Variants in THADA observed in about 807,000 individuals in gnomAD.
THADA encodes tRNA (32-2'-O)-methyltransferase regulator THADA.
A neutral mutation model predicts 219.8 loss-of-function variants in THADA; 213 were observed. The observed-to-expected ratio is 0.97, with a 90% CI of 0.87 to 1.09. THADA has a LOEUF of 1.09. THADA is among the 50% of genes least tolerant of loss of function. THADA has a pLI of 0.00. For missense variants in THADA, 2,956 were observed against 2,311.3 expected, an observed-to-expected ratio of 1.28 and a Z score of -5.72; for synonymous variants, 1,018 against 828.9, an observed-to-expected ratio of 1.23 and a Z score of -3.92.
At chr2:43,459,923 C>T (rs1186787564) in intron 26 of THADA, among the ~76,000 whole-genome samples, 1 of 152,098 alleles carries the variant, frequency 6.6e-6, no homozygotes, top group African/African-American at 2.4e-5. Flanking sequence ...CAAATGAGTT[C>T]AGCACGGAAG....
intron 30 of THADA, among the ~76,000 whole-genome samples, chr2:43,331,279 C>T (rs927993477): frequency 6.6e-6 from 1 of 152,220 alleles, no homozygotes; most frequent in Non-Finnish European, 1.5e-5. Flanking sequence ...CAAGTGCATA[C>T]AGATATCTCT....
At chr2:43,508,849 C>CA in intron 22 of THADA, 69 bp from the exon 23 acceptor site, 1 of 1,453,412 alleles carries the variant, frequency 6.9e-7, no homozygotes, top group Non-Finnish European at 9.5e-7. Flanking sequence ...TATTGATGCA[C>CA]ATTTACACTG....
In THADA at chr2:43,230,938, C is replaced by T. The variant is rs775091243; in HGVS notation, c.*10G>A. 1 of 1,597,966 alleles carries T rather than the reference C, an allele frequency of 6.3e-7. No individual in the cohort carries two copies. Among genetic ancestry groups the T allele is most frequent in the Admixed American group, 1.7e-5 (1 of 59,094 alleles). On this transcript the variant is annotated 3_prime_UTR_variant, in exon 38 of 38. Transcript: ENST00000405975. ...CACACATACCCCCATCCCAATCCCC[C>T]AGATTTTCTTCAACATGCCGCTTCT...
chr2:43,551,602 T>A (rs900633577), intron 19 of THADA, among the ~76,000 whole-genome samples, 187 bp downstream of exon 19: 1 of 151,792 alleles, frequency 6.6e-6, no homozygotes, highest in African/African-American at 2.4e-5. Context: ...TTTTTTTTTT[T>A]TTTTTTGCTA....
In THADA at chr2:43,398,024, T is replaced by C. The variant is rs1316336706; in HGVS notation, c.4174A>G (p.Ser1392Gly). The C allele has an allele frequency of 5.0e-6, 8 of 1,613,872 alleles. No homozygotes were observed. The Admixed American group carries it at 1.3e-4, about 27-fold the overall frequency. Reference sequence around the variant, plus strand: ...TGCCGGAAACACTGGTCAGTGCAGCTGGGGAGTGTGGACAACAGAGTTCGA... The same window carrying C: ...TGCCGGAAACACTGGTCAGTGCAGCCGGGGAGTGTGGACAACAGAGTTCGA... ...TIRTLLSTLPSCTDQCFRQNH... is the reference protein window; with the variant it reads ...TIRTLLSTLPGCTDQCFRQNH... The change falls in exon 29 of 38, where the codon AGC becomes GGC. Residue 1392 changes from serine to glycine, a missense_variant. By Grantham distance (56) the Ser-to-Gly change is moderately conservative. Coordinates refer to ENST00000405975, the MANE Select transcript of THADA (RefSeq NM_022065.5).
chr2:43,310,704 T>A (rs1478418631), intron 31 of THADA, among the ~76,000 whole-genome samples: 1 of 152,104 alleles, frequency 6.6e-6, no homozygotes, highest in Non-Finnish European at 1.5e-5. Flanking sequence ...TGAAATCAAA[T>A]GCACAAGCAA....
At position 43,592,413 on chromosome 2, in the gene THADA, G is replaced by A; in HGVS notation, c.-21C>T. 6.5e-7 allele frequency: 1 copy of A among 1,534,128 alleles called. No homozygotes were observed. The highest frequency in any genetic ancestry group is 8.9e-7 in the Non-Finnish European group (1 of 1,121,548). ...CCCATTTTAAATAGAATTAATAGTA[G>A]TCACTGCAAGAAAGAAGACTTTAAG... On this transcript the variant is annotated 5_prime_UTR_variant, in exon 2 of 38. Coordinates refer to ENST00000405975, the MANE Select transcript of THADA (RefSeq NM_022065.5).
chr2:43,540,201 A>T (rs1424493305), intron 21 of THADA, among the ~76,000 whole-genome samples: 2 of 152,204 alleles, frequency 1.3e-5, no homozygotes, highest in Non-Finnish European at 2.9e-5. Flanking sequence ...TAACTCTAGG[A>T]CACTGACGCC....
intron 28 of THADA, among the ~76,000 whole-genome samples, chr2:43,413,057 G>A (rs1330308094): frequency 6.6e-6 from 1 of 151,900 alleles, no homozygotes; most frequent in African/African-American, 2.4e-5. Context: ...GGGCATTTGG[G>A]GTTAACGATA....
intron 19 of THADA, among the ~76,000 whole-genome samples, chr2:43,550,916 A>C (rs1251248755): frequency 6.6e-6 from 1 of 152,196 alleles, no homozygotes; most frequent in Non-Finnish European, 1.5e-5. Flanking sequence ...GCTTGACAAG[A>C]GCAGCCTGCA....
intron 29 of THADA, among the ~76,000 whole-genome samples, chr2:43,356,225 T>C (rs1668857865): frequency 6.6e-6 from 1 of 152,168 alleles, no homozygotes; most frequent in African/African-American, 2.4e-5. Flanking sequence ...CAACCAGTCC[T>C]TTGGGAAATG....
At chr2:43,398,407 C>T (rs1325217338) in intron 28 of THADA, among the ~76,000 whole-genome samples, 2 of 151,836 alleles carry the variant, frequency 1.3e-5, no homozygotes, top group Admixed American at 6.6e-5. Context: ...CAGGTAGTAG[C>T]AAAAAACAAC....
At chr2:43,389,512 G>A (rs1329389048) in intron 29 of THADA, among the ~76,000 whole-genome samples, 1 of 152,036 alleles carries the variant, frequency 6.6e-6, no homozygotes, top group Non-Finnish European at 1.5e-5. Context: ...ACACACTAAC[G>A]TATTCTTCCA....
chr2:43,393,208 ACTT>A (rs1308064034), intron 29 of THADA, among the ~76,000 whole-genome samples: 1 of 152,212 alleles, frequency 6.6e-6, no homozygotes, highest in Non-Finnish European at 1.5e-5. Flanking sequence ...GGTTTCACTG[ACTT>A]CTTCTGTCTC....
intron 9 of THADA, among the ~76,000 whole-genome samples, chr2:43,577,791 T>C (rs905774738): frequency 5.9e-5 from 9 of 152,090 alleles, no homozygotes; most frequent in Non-Finnish European, 1.2e-4. Context: ...ATGCTTCCTG[T>C]CTAAAGCACA....
At chr2:43,367,957 A>C (rs529509974) in intron 29 of THADA, among the ~76,000 whole-genome samples, 3 of 152,230 alleles carry the variant, frequency 2.0e-5, no homozygotes, top group African/African-American at 7.2e-5. Flanking sequence ...TCTCTACTAA[A>C]AATACAAAAA....
chr2:43,391,194 G>GA (rs1274045711), intron 29 of THADA, among the ~76,000 whole-genome samples: 17 of 151,800 alleles, frequency 1.1e-4, no homozygotes, highest in African/African-American at 3.6e-4. Flanking sequence ...ATCTCTCACT[G>GA]AAAAAAATAT....
At chr2:43,326,409 T>C (rs909695248) in intron 30 of THADA, among the ~76,000 whole-genome samples, 1 of 152,076 alleles carries the variant, frequency 6.6e-6, no homozygotes, top group Non-Finnish European at 1.5e-5. Flanking sequence ...GTTTAGAGAA[T>C]AACAAGTGCT....
In THADA at chr2:43,578,596, G is replaced by A; in HGVS notation, c.733C>T (p.Gln245Ter). 1 of 1,600,458 alleles carries A rather than the reference G, an allele frequency of 6.2e-7. No homozygotes were observed. The highest frequency in any genetic ancestry group is 8.5e-7 in the Non-Finnish European group (1 of 1,172,994). ...TKVLSDDDLLQTVQSTSGLAI... is the reference protein window; with the variant it reads ...TKVLSDDDLL The stretch of plus-strand genomic sequence containing the variant: ...AATCCAGATGTGCTCTGTACAGTCT[G>A]TAACAGATCATCTATTTGGCAAAAA... The change falls in exon 9 of 38, where the codon CAG becomes TAG. Residue 245 changes from glutamine (Q) to a stop codon, truncating the protein, a stop_gained. Transcript: ENST00000405975. LOFTEE classifies it high-confidence loss of function.
Sources: allele counts gnomAD v4.1 joint callset (sites outside exome capture counted in the v4.1 genomes callset), GRCh38; gene constraint gnomAD v4.1.1; transcripts MANE v1.5; gene names NCBI Gene and HGNC (gene_info 2026-07-23, HGNC 2026-07-21).